The following RUSC1 variants were observed in gnomAD, a reference collection of about 807,000 sequenced individuals.
RUSC1 encodes the protein RUN and SH3 domain containing 1, also known as AP-4 complex accessory subunit RUSC1.
A neutral mutation model predicts 72.1 loss-of-function variants in RUSC1; 40 were observed. The observed-to-expected ratio is 0.55, with a 90% CI of 0.43 to 0.72. The LOEUF (loss-of-function observed/expected upper bound fraction) is 0.72, where lower values mean the gene tolerates loss of function less well. Ranked by LOEUF, RUSC1 falls within the 30% of genes least tolerant of loss-of-function variation. The pLI is 0.00. For missense variants in RUSC1, 1,092 were observed against 1,172.3 expected (o/e 0.93, Z 1.00); for synonymous variants, 512 against 494.2 (o/e 1.04, Z -0.48).
chr1:155,324,067 C>T lies in RUSC1; in HGVS notation c.1358-778C>T, dbSNP rs1342539956. ...TCCAGACCCACCTGGGCATAGTGGA[C>T]GCGGGCTTACCCAGCCTCCATGCCA... is the stretch of plus-strand genomic sequence containing the variant. On this transcript the variant is annotated intron_variant, in intron 2 of 9. Coordinates refer to ENST00000368352, the MANE Select transcript of RUSC1 (RefSeq NM_001105203.2). 4 of 1,123,500 alleles carry T rather than the reference C, an allele frequency of 3.6e-6. No homozygotes were observed. In the African/African-American group the frequency reaches 6.7e-5, roughly 19 times the overall value. 69.6% of individuals were successfully genotyped at this position (1,123,500 alleles called of 1,614,324 possible).
rs1438941080 is a variant in RUSC1 at position 155,322,941 on chromosome 1, C to T, written c.1168C>T (p.Pro390Ser). ...AGCCCCGCCAGTCCCGCCTCGAGAC[C>T]CCCCAGTTGGCTGGGCTTTGGTCCC... ...APAPPVPPRD[P>S]PVGWALVPPR... Residue 390 changes from proline to serine, a missense_variant, in exon 2 of 10, where the codon CCC (proline) becomes TCC (serine). Physicochemically the swap from Pro to Ser is moderately conservative, Grantham distance 74 (BLOSUM62 -1). Coordinates refer to ENST00000368352, the MANE Select transcript of RUSC1 (RefSeq NM_001105203.2). The T allele has an allele frequency of 6.3e-7, 1 of 1,596,672 alleles. No individual in the cohort carries two copies. Among genetic ancestry groups the T allele is most frequent in the South Asian group, 1.1e-5 (1 of 89,360 alleles).
rs764481975 is a variant in RUSC1 at position 155,325,316 on chromosome 1, G to A, written c.1534G>A (p.Ala512Thr). ...FGAARNLVQKAQLGDSRLSPD... is the reference protein window; with the variant it reads ...FGAARNLVQKTQLGDSRLSPD... ...GCCATCGGCATCGCGCCACCTCCAG[G>A]CCCAGTTGGGTGATAGCCGGCTGAG... The change falls in exon 5 of 10, where the codon GCC (alanine) becomes ACC (threonine). Residue 512 changes from alanine (A) to threonine (T), a missense_variant and splice_region_variant. Coordinates refer to ENST00000368352, the MANE Select transcript of RUSC1 (RefSeq NM_001105203.2). The surrounding 1 kb of genome is among the most constrained non-coding windows in gnomAD (Gnocchi z 6.5). The A allele has an allele frequency of 6.2e-7, 1 of 1,603,030 alleles. No homozygotes were observed. The highest frequency in any genetic ancestry group is 1.1e-5 in the South Asian group (1 of 90,800).
intron 8 of RUSC1, 62 bp from the exon 9 acceptor site, chr1:155,328,088 C>T (rs2148284721): frequency 6.4e-7 from 1 of 1,569,066 alleles, no homozygotes; most frequent in East Asian, 2.3e-5. Flanking sequence ...TCCCTCCAAA[C>T]CCCAGGGTTC....
intron 2 of RUSC1, chr1:155,324,353 C>T: frequency 6.2e-7 from 1 of 1,605,664 alleles, no homozygotes; most frequent in Non-Finnish European, 8.5e-7. Flanking sequence ...CTTCCAGCCT[C>T]CCAATCCTCG....
In RUSC1 at chr1:155,330,411, G is replaced by A. The variant is rs372831402; in HGVS notation, c.2549G>A (p.Arg850Gln). The A allele has an allele frequency of 5.6e-6, 9 of 1,612,514 alleles. No individual in the cohort carries two copies. Among genetic ancestry groups the A allele is most frequent in the African/African-American group, 5.3e-5 (4 of 74,864 alleles). ...PRMVQTHRAV[R>Q]ALCDHTAARP... ...CCTCTGGCTCCCCTCAGGGCAGTGCGGGCTCTCTGTGATCACACTGCTGCA... is the reference window on the plus strand; with the variant it reads ...CCTCTGGCTCCCCTCAGGGCAGTGCAGGCTCTCTGTGATCACACTGCTGCA... The change falls in exon 10 of 10, where the codon CGG (arginine) becomes CAG (glutamine). Residue 850 changes from arginine (R) to glutamine (Q), a missense_variant. Physicochemically the swap from Arg to Gln is conservative, Grantham distance 43 (BLOSUM62 1). Transcript: ENST00000368352.
rs1557997779 is a variant in RUSC1 at position 155,326,476 on chromosome 1, C to A, written c.1862-104C>A. ...TCCTCCTCTCTGCCCCAGTGCCCAG[C>A]AGAGTGAGGCCTGGGAAGATGTGTG... On this transcript the variant is annotated intron_variant, in intron 7 of 9. Transcript: ENST00000368352. This position sits in a 1 kb window ranked among gnomAD's most constrained non-coding sequence, Gnocchi z 4.7. The A allele has an allele frequency of 7.6e-6, 9 of 1,186,250 alleles. No individual in the cohort carries two copies. The highest frequency in any genetic ancestry group is 1.1e-5 in the Non-Finnish European group (9 of 845,534). The allele number at this position is 1,186,250 out of a possible 1,614,324, so 73.5% of individuals were successfully genotyped here.
Position 155,321,910 on chromosome 1 carries a change from C to A in RUSC1, c.137C>A (p.Thr46Asn). The part of the protein sequence containing the change: ...PLSTPPPPGD[T>N]GGKESRGPCS... ...AGCACACCCCCTCCTCCAGGAGACA[C>A]TGGGGGCAAGGAGAGCAGGGGCCCC... The change falls in exon 2 of 10, where the codon ACT becomes AAT. Residue 46 changes from threonine (T) to asparagine (N), a missense_variant. By Grantham distance (65) the Thr-to-Asn change is moderately conservative (BLOSUM62 0). Transcript: ENST00000368352. 6.2e-7 allele frequency: 1 copy of A among 1,610,502 alleles called. No homozygotes were observed. The highest frequency in any genetic ancestry group is 8.5e-7 in the Non-Finnish European group (1 of 1,178,486).
Position 155,322,473 on chromosome 1 carries a change from A to G in RUSC1, c.700A>G (p.Ile234Val), listed in dbSNP as rs1386059573. The change falls in exon 2 of 10, where the codon ATT becomes GTT. Residue 234 changes from isoleucine (I) to valine (V), a missense_variant. Physicochemically the swap from Ile to Val is conservative, Grantham distance 29. Transcript: ENST00000368352. ...GGAGCCCAGTTGGAAGATTAACCCA[A>G]TTTGGAAAATTGACACAGAGAAAAC... ...KTEPSWKINPIWKIDTEKTKA... is the reference protein window; with the variant it reads ...KTEPSWKINPVWKIDTEKTKA... The G allele has an allele frequency of 3.1e-6, 5 of 1,613,580 alleles. No individual in the cohort carries two copies. Among genetic ancestry groups the G allele is most frequent in the Admixed American group, 3.3e-5 (2 of 59,938 alleles).
Position 155,320,904 on chromosome 1 carries a change from C to T in RUSC1, c.-174C>T. 1.9e-6 allele frequency: 3 copies of T among 1,593,604 alleles called. No homozygotes were observed. The highest frequency in any genetic ancestry group is 1.1e-5 in the South Asian group (1 of 89,608). On this transcript the variant is annotated 5_prime_UTR_variant, in exon 1 of 10. Coordinates refer to ENST00000368352, the MANE Select transcript of RUSC1 (RefSeq NM_001105203.2). The stretch of plus-strand genomic sequence containing the variant: ...AGCGCAGGGTAGGTTGTGCTAGTGC[C>T]CCTCCCCTCCCGCTCTGTGCCCCGC...
chr1:155,327,619 C>G (rs570661538), intron 8 of RUSC1, among the ~76,000 whole-genome samples: 9 of 152,242 alleles, frequency 5.9e-5, no homozygotes, highest in Admixed American at 5.2e-4. Context: ...ATGGTGAAAC[C>G]CTGTCTCTAC....
chr1:155,327,020 G>GA lies in RUSC1; in HGVS notation c.2303dup (p.Arg769GlufsTer7). ...GACTGCAGCTGAAGAAGGTGCACAGGAGAGACCCCTGCCCACAGATGAGAT... is the reference window on the plus strand; with the variant it reads ...GACTGCAGCTGAAGAAGGTGCACAGGAAGAGACCCCTGCCCACAGATGAGAT... On this transcript the variant is annotated frameshift_variant, in exon 8 of 10. Coordinates refer to ENST00000368352, the MANE Select transcript of RUSC1 (RefSeq NM_001105203.2). LOFTEE classifies it high-confidence loss of function. The GA allele has an allele frequency of 6.2e-7, 1 of 1,613,556 alleles. No homozygotes were observed. The highest frequency in any genetic ancestry group is 1.1e-5 in the South Asian group (1 of 91,090).
Position 155,326,777 on chromosome 1 carries a change from G to C in RUSC1, c.2059G>C (p.Ala687Pro). 2.5e-6 allele frequency: 4 copies of C among 1,612,996 alleles called. No individual in the cohort carries two copies. Among genetic ancestry groups the C allele is most frequent in the Non-Finnish European group, 3.4e-6 (4 of 1,180,032 alleles). Residue 687 changes from alanine to proline, a missense_variant, in exon 8 of 10, where the codon GCT becomes CCT. By Grantham distance (27) the Ala-to-Pro change is conservative. Transcript: ENST00000368352. The surrounding 1 kb of genome is among the most constrained non-coding windows in gnomAD (Gnocchi z 4.7). ...CCCTGCCCCTCCAGGCCCACCTCCA[G>C]CTCTGCAGCAGACTATGCAAGCCAT... is the stretch of plus-strand genomic sequence containing the variant. ...QAPAPPGPPP[A>P]LQQTMQAMLH...
intron 9 of RUSC1, among the ~76,000 whole-genome samples, chr1:155,328,498 G>A (rs890288778): frequency 1.4e-4 from 21 of 151,850 alleles, no homozygotes; most frequent in Non-Finnish European, 2.5e-4. Context: ...GAGTGCAGGG[G>A]CACAATCTCG....
Position 155,326,464 on chromosome 1 carries a change from C to A in RUSC1, c.1862-116C>A. 9.4e-7 allele frequency: 1 copy of A among 1,068,900 alleles called. No individual in the cohort carries two copies. The highest frequency in any genetic ancestry group is 1.3e-6 in the Non-Finnish European group (1 of 746,950). 66.2% of individuals were successfully genotyped at this position (1,068,900 alleles called of 1,614,324 possible). On this transcript the variant is annotated intron_variant, in intron 7 of 9. Coordinates refer to ENST00000368352, the MANE Select transcript of RUSC1 (RefSeq NM_001105203.2). This position sits in a 1 kb window ranked among gnomAD's most constrained non-coding sequence, Gnocchi z 4.7. Reference sequence around the variant, plus strand: ...CCACCACATCCTTCCTCCTCTCTGCCCCAGTGCCCAGCAGAGTGAGGCCTG... The same window carrying A: ...CCACCACATCCTTCCTCCTCTCTGCACCAGTGCCCAGCAGAGTGAGGCCTG...
intron 2 of RUSC1, chr1:155,324,266 T>C: frequency 6.6e-7 from 1 of 1,508,556 alleles, no homozygotes; most frequent in Non-Finnish European, 8.9e-7. Flanking sequence ...TCTCCGCGAG[T>C]CCAGTCCCAC....
At position 155,325,416 on chromosome 1, in the gene RUSC1, C is replaced by G. The variant is rs1414419376; in HGVS notation, c.1634C>G (p.Pro545Arg). Residue 545 changes from proline to arginine, a missense_variant, in exon 5 of 10, where the codon CCT becomes CGT. Coordinates refer to ENST00000368352, the MANE Select transcript of RUSC1 (RefSeq NM_001105203.2). The surrounding 1 kb of genome is among the most constrained non-coding windows in gnomAD (Gnocchi z 6.5). ...LHALVADGLKPFRKDLITGQR... is the reference protein window; with the variant it reads ...LHALVADGLKRFRKDLITGQR... ...GCCCTGGTGGCGGACGGGCTGAAGC[C>G]TTTCCGGAAGGACCTCATCACCGGG... The G allele has an allele frequency of 6.3e-7, 1 of 1,592,436 alleles. No individual in the cohort carries two copies. The highest frequency in any genetic ancestry group is 2.3e-5 in the East Asian group (1 of 44,152).
intron 2 of RUSC1, 66 bp from the exon 3 acceptor site, chr1:155,324,779 C>CGGGA (rs907309567): frequency 6.2e-7 from 1 of 1,610,158 alleles, no homozygotes; most frequent in Non-Finnish European, 8.5e-7. Context: ...ACAACTTGTG[C>CGGGA]GGGAGCCCGG....
chr1:155,324,981 A>T (rs4971075), intron 3 of RUSC1, 38 bp downstream of exon 3: 2 of 1,614,054 alleles, frequency 1.2e-6, no homozygotes, highest in South Asian at 2.2e-5. Flanking sequence ...GCTTCCGAAT[A>T]AACTGCCCTT....
rs921440095 is a variant in RUSC1, at chr1:155,330,651, A to C, written c.*80A>C. 3 of 1,347,790 alleles carry C rather than the reference A, an allele frequency of 2.2e-6. No homozygotes were observed. The highest frequency in any genetic ancestry group is 3.0e-5 in the South Asian group (2 of 66,060). 83.5% of individuals were successfully genotyped at this position (1,347,790 alleles called of 1,614,324 possible). On this transcript the variant is annotated 3_prime_UTR_variant, in exon 10 of 10. Coordinates refer to ENST00000368352, the MANE Select transcript of RUSC1 (RefSeq NM_001105203.2). ...GGCCAGTGAACACCATCCCAGAAGC[A>C]TTTTCCCTCTGCAAAATGACGTTTC...
Sources: allele counts gnomAD v4.1 joint callset (sites outside exome capture counted in the v4.1 genomes callset), GRCh38; gene constraint gnomAD v4.1.1; non-coding constraint Gnocchi (gnomAD v3.1); transcripts MANE v1.5; gene names NCBI Gene and HGNC (gene_info 2026-07-23, HGNC 2026-07-21).